The following EIF2A variants were observed in gnomAD, a reference collection of about 807,000 sequenced individuals.
EIF2A encodes the protein 65 kDa eukaryotic translation initiation factor 2A.
EIF2A carries 62 observed loss-of-function variants against 75.2 expected under a neutral mutation model. The observed-to-expected ratio is 0.82, with a 90% CI of 0.67 to 1.02. The LOEUF is 1.02. Among genes scored for constraint, EIF2A ranks in the 50% least tolerant of loss-of-function variants. The pLI is 0.00. For missense variants in EIF2A, 611 were observed against 677.7 expected, an observed-to-expected ratio of 0.90 and a Z score of 1.09; for synonymous variants, 207 against 239.0, an observed-to-expected ratio of 0.87 and a Z score of 1.23.
rs764858811 is a variant in EIF2A, at chr3:150,585,697, AGACT to A, written c.*1792_*1795del. 2.0e-5 allele frequency among the ~76,000 whole-genome samples: 3 copies of A among 152,240 alleles called. No individual in the cohort carries two copies. Among genetic ancestry groups the A allele is most frequent in the Non-Finnish European group, 4.4e-5 (3 of 68,036 alleles). ...ACTAATATATGGACAGGAAGTTAAT[AGACT>A]GACTGTGCCACCTTAAAACTCGTAT... On this transcript the variant is annotated 3_prime_UTR_variant, in exon 14 of 14. Coordinates refer to ENST00000460851, the MANE Select transcript of EIF2A (RefSeq NM_032025.5).
chr3:150,569,337 T>C (rs1412377470), intron 9 of EIF2A, among the ~76,000 whole-genome samples: 1 of 152,020 alleles, frequency 6.6e-6, no homozygotes, highest in Non-Finnish European at 1.5e-5. Flanking sequence ...AGAGACAAAC[T>C]ATGACCTTTA....
chr3:150,567,876 T>C, intron 7 of EIF2A, 26 bp from the exon 8 acceptor site: 2 of 1,581,736 alleles, frequency 1.3e-6, no homozygotes, highest in Non-Finnish European at 1.7e-6. Flanking sequence ...AAAAATTAAG[T>C]AATGATTTAT....
intron 3 of EIF2A, among the ~76,000 whole-genome samples, chr3:150,560,716 C>CT (rs71138455): frequency 0.14 from 16,530 of 120,686 alleles, 1,167 homozygotes; most frequent in Non-Finnish European, 0.17. Context: ...GATGGAGAGT[C>CT]TTTTTTTTTT....
At chr3:150,546,994 A>C in intron 1 of EIF2A, 164 bp downstream of exon 1, 1 of 859,984 alleles carries the variant, frequency 1.2e-6, no homozygotes, top group Non-Finnish European at 1.8e-6. Flanking sequence ...TGGCAATCGG[A>C]AGTGAAGTCT....
At position 150,584,004 on chromosome 3, in the gene EIF2A, A is replaced by G. The variant is rs1016280007; in HGVS notation, c.*93A>G. The G allele has an allele frequency of 5.3e-6, 6 of 1,132,092 alleles. No homozygotes were observed. Among genetic ancestry groups the G allele is most frequent in the African/African-American group, 4.7e-5 (3 of 63,884 alleles). 70.1% of individuals were successfully genotyped at this position (1,132,092 alleles called of 1,614,324 possible). A position where few individuals can be genotyped will look rare whatever the true frequency, so the allele number is the denominator to read the frequency against. ...ATACACAGAATATTCCTGTGCCCAC[A>G]CTTAATGTCAATCTATAATTTTAAC... On this transcript the variant is annotated 3_prime_UTR_variant, in exon 14 of 14. Coordinates refer to ENST00000460851, the MANE Select transcript of EIF2A (RefSeq NM_032025.5).
intron 11 of EIF2A, among the ~76,000 whole-genome samples, chr3:150,578,769 G>T (rs1725015252): frequency 6.6e-6 from 1 of 152,180 alleles, no homozygotes; most frequent in African/African-American, 2.4e-5. Context: ...AGTTGTGGCT[G>T]TGTGATGGAA....
chr3:150,551,018 C>G (rs564155207), intron 1 of EIF2A, among the ~76,000 whole-genome samples: 1 of 152,294 alleles, frequency 6.6e-6, no homozygotes, highest in East Asian at 1.9e-4. Flanking sequence ...TCTTTCCATC[C>G]CCTTGACGCT....
intron 3 of EIF2A, among the ~76,000 whole-genome samples, chr3:150,560,448 T>C (rs1443192195): frequency 6.6e-6 from 1 of 152,104 alleles, no homozygotes; most frequent in Non-Finnish European, 1.5e-5. Flanking sequence ...TTAAAGACCA[T>C]CAATTCTGAG....
At chr3:150,555,439 G>A (rs1205520493) in intron 2 of EIF2A, among the ~76,000 whole-genome samples, 1 of 151,230 alleles carries the variant, frequency 6.6e-6, no homozygotes, top group East Asian at 2.0e-4. Context: ...TTTATTTTTA[G>A]TAGAGACGTG....
rs1725377029 is a variant in EIF2A, at chr3:150,584,823, A to T, written c.*912A>T. On this transcript the variant is annotated 3_prime_UTR_variant, in exon 14 of 14. Coordinates refer to ENST00000460851, the MANE Select transcript of EIF2A (RefSeq NM_032025.5). ...AATTTGTAAGAGTATCCTATGTAGT[A>T]ACAAAATCCTTTTTTAAAAATTTTT... Among the ~76,000 whole-genome samples, 1 of 152,128 alleles carries T rather than the reference A, an allele frequency of 6.6e-6. No homozygotes were observed. Among genetic ancestry groups the T allele is most frequent in the South Asian group, 2.1e-4 (1 of 4,828 alleles).
In EIF2A at chr3:150,567,997, TAA is replaced by T. The variant is rs774395300; in HGVS notation, c.648_649del (p.Ser217PhefsTer3). ...FAGPHAALAN[K>X]SFFKADKVTM... is the part of the protein sequence containing the mutation. Reference sequence around the variant, plus strand: ...CTGGACCTCATGCAGCTTTAGCTAATAAAAGTTTCTTTAAGGCAGATAAAGTT... The same window carrying T: ...CTGGACCTCATGCAGCTTTAGCTAATAAGTTTCTTTAAGGCAGATAAAGTT... On this transcript the variant is annotated frameshift_variant, in exon 8 of 14. Transcript: ENST00000460851. LOFTEE classifies it high-confidence loss of function. The T allele has an allele frequency of 6.2e-7, 1 of 1,613,040 alleles. No homozygotes were observed. The highest frequency in any genetic ancestry group is 2.2e-5 in the East Asian group (1 of 44,838).
rs556153011 is a variant in EIF2A, at chr3:150,568,002, G to A, written c.650G>A (p.Ser217Asn). The A allele has an allele frequency of 7.4e-6, 12 of 1,612,704 alleles. No individual in the cohort carries two copies. The South Asian group carries it at 1.3e-4, about 18-fold the overall frequency. Residue 217 changes from serine (S) to asparagine (N), a missense_variant, in exon 8 of 14, where the codon AGT becomes AAT. Coordinates refer to ENST00000460851, the MANE Select transcript of EIF2A (RefSeq NM_032025.5). ...AGPHAALANK[S>N]FFKADKVTML... Reference sequence around the variant, plus strand: ...CCTCATGCAGCTTTAGCTAATAAAAGTTTCTTTAAGGCAGATAAAGTTACA... The same window carrying A: ...CCTCATGCAGCTTTAGCTAATAAAAATTTCTTTAAGGCAGATAAAGTTACA...
In EIF2A at chr3:150,571,940, T is replaced by A; in HGVS notation, c.812-18T>A. The stretch of plus-strand genomic sequence containing the variant: ...ATAGTTCTTTATTGCTAATTTGGGC[T>A]TTATATTCTTTTTCTAGCAAAAAAT... On this transcript the variant is annotated intron_variant, in intron 9 of 13. Coordinates refer to ENST00000460851, the MANE Select transcript of EIF2A (RefSeq NM_032025.5). The A allele has an allele frequency of 6.3e-7, 1 of 1,587,182 alleles. No individual in the cohort carries two copies. The highest frequency in any genetic ancestry group is 8.6e-7 in the Non-Finnish European group (1 of 1,168,358).
Position 150,564,286 on chromosome 3 carries a change from TTC to T in EIF2A, c.393-12_393-11del. 1 of 1,539,928 alleles carries T rather than the reference TTC, an allele frequency of 6.5e-7. No individual in the cohort carries two copies. Among genetic ancestry groups the T allele is most frequent in the Non-Finnish European group, 8.7e-7 (1 of 1,149,864 alleles). On this transcript the variant is annotated splice_polypyrimidine_tract_variant and intron_variant, in intron 5 of 13. Transcript: ENST00000460851. ...AATATTTTTTATACTTTTTTTTTTT[TTC>T]ATTGACATAGGTGTCCATCCTGGTC...
chr3:150,572,197 C>G lies in EIF2A; in HGVS notation c.1051C>G (p.Leu351Val). The change falls in exon 10 of 14, where the codon CTT becomes GTT. Residue 351 changes from leucine to valine, a missense_variant. Transcript: ENST00000460851. ...AGTGTGGGATGTGAAAAACTACAAA[C>G]TTATTTCTAAACCGGTGGCTTCTGA... is the stretch of plus-strand genomic sequence containing the variant. ...MEVWDVKNYK[L>V]ISKPVASDST... The G allele has an allele frequency of 6.2e-7, 1 of 1,613,884 alleles. No homozygotes were observed. The highest frequency in any genetic ancestry group is 8.5e-7 in the Non-Finnish European group (1 of 1,179,850).
intron 6 of EIF2A, chr3:150,566,237 GTCAT>G (rs1214351397): frequency 6.6e-6 from 1 of 152,118 alleles, no homozygotes; most frequent in Non-Finnish European, 1.5e-5. Context: ...GGTAAGACAA[GTCAT>G]TCTAGGATTA....
At chr3:150,566,336 A>T (rs1724183222) in intron 6 of EIF2A, 1 of 152,188 alleles carries the variant, frequency 6.6e-6, no homozygotes, top group African/African-American at 2.4e-5. Context: ...ACTTTTGAAT[A>T]GCTATTGATC....
In EIF2A at chr3:150,572,036, C is replaced by A. The variant is rs1724555116; in HGVS notation, c.890C>A (p.Ala297Asp). Residue 297 changes from alanine to aspartate, a missense_variant, in exon 10 of 14, where the codon GCC becomes GAC. Physicochemically the swap from Ala to Asp is moderately radical, Grantham distance 126 (BLOSUM62 -2). Coordinates refer to ENST00000460851, the MANE Select transcript of EIF2A (RefSeq NM_032025.5). The stretch of plus-strand genomic sequence containing the variant: ...TGTGCTGTATATGGTTTTATGCCTG[C>A]CAAAGCGACAATTTTCAACTTGAAA... ...EFCAVYGFMP[A>D]KATIFNLKCD... The A allele has an allele frequency of 9.9e-6, 16 of 1,613,882 alleles. No individual in the cohort carries two copies. The highest frequency in any genetic ancestry group is 1.3e-5 in the Non-Finnish European group (15 of 1,179,876).
chr3:150,583,384 C>T (rs1054464441), intron 13 of EIF2A, 119 bp downstream of exon 13: 14 of 837,828 alleles, frequency 1.7e-5, no homozygotes, highest in Middle Eastern at 2.3e-4. Flanking sequence ...TTTTGAAAAC[C>T]ATATGCCATA....
Sources: gnomAD v4.1 joint callset for allele counts (sites outside exome capture counted in the v4.1 genomes callset) on GRCh38, gnomAD v4.1.1 for gene constraint, MANE v1.5 for transcripts, NCBI Gene and HGNC (gene_info 2026-07-23, HGNC 2026-07-21) for gene names.